The following KLRG1 variants were observed in gnomAD, a reference collection of about 807,000 sequenced individuals.
KLRG1 encodes the protein killer cell lectin like receptor G1.
A neutral mutation model predicts 21.8 loss-of-function variants in KLRG1; 16 were observed. The ratio of observed to expected loss-of-function variants is 0.73; its 90% confidence interval spans 0.50 to 1.11. KLRG1 has a LOEUF of 1.11. Among genes scored for constraint, KLRG1 ranks in the 50% most tolerant of loss-of-function variants. The pLI is 0.00. For synonymous variants in KLRG1, 69 were observed against 75.9 expected (o/e 0.91, Z 0.47); for missense variants, 173 against 218.3 (o/e 0.79, Z 1.31).
intron 3 of KLRG1, among the ~76,000 whole-genome samples, chr12:8,997,287 G>A (rs936660356): frequency 7.9e-5 from 12 of 152,174 alleles, no homozygotes; most frequent in African/African-American, 2.7e-4. Context: ...TAACATTCCT[G>A]TGGAATCTTA....
the KLRG1 span, chr12:9,181,968 C>T: frequency 1.9e-5 from 30 of 1,611,592 alleles, no homozygotes; most frequent in East Asian, 4.5e-5. Flanking sequence ...TATGTTAAAT[C>T]GCTCACCTTG....
intron 1 of KLRG1, among the ~76,000 whole-genome samples, chr12:8,967,961 A>C (rs1481417440): frequency 6.6e-6 from 1 of 152,038 alleles, no homozygotes; most frequent in African/African-American, 2.4e-5. Context: ...AAAAGAAAGA[A>C]AGAAAAATTA....
chr12:9,006,810 G>T (rs950375080), intron 3 of KLRG1, among the ~76,000 whole-genome samples: 1 of 152,084 alleles, frequency 6.6e-6, no homozygotes, highest in Non-Finnish European at 1.5e-5. Context: ...AGAAGTTGAC[G>T]CTCAGCCAGA....
chr12:9,210,963 C>T, the KLRG1 span, among the ~76,000 whole-genome samples: 1 of 152,158 alleles, frequency 6.6e-6, no homozygotes, highest in Non-Finnish European at 1.5e-5. Context: ...TATCTTTTTA[C>T]ATATACCCTT....
chr12:9,036,752 T>C, the KLRG1 span: 1 of 374,864 alleles, frequency 2.7e-6, no homozygotes, highest in Non-Finnish European at 5.3e-6. Flanking sequence ...GCATAAACCT[T>C]GCTTGTGATG....
the KLRG1 span, chr12:9,156,089 C>T: frequency 4.3e-6 from 1 of 233,580 alleles, no homozygotes; most frequent in Non-Finnish European, 8.8e-6. Context: ...TGTTCTGCAG[C>T]TCCTGTTATA....
At chr12:9,196,353 G>C in the KLRG1 span, 1 of 1,611,414 alleles carries the variant, frequency 6.2e-7, no homozygotes, top group East Asian at 2.2e-5. Context: ...GGGATTCCTT[G>C]TCTAAAGTGT....
chr12:9,202,177 A>C, the KLRG1 span: 6 of 719,166 alleles, frequency 8.3e-6, 1 homozygote, highest in South Asian at 9.4e-5. Flanking sequence ...TTTGTATAAG[A>C]CTGCAAATCT....
At position 8,995,261 on chromosome 12, in the gene KLRG1, C is replaced by T; in HGVS notation, c.330C>T (p.Leu110=). ...TCTGCCTAGCCAGAGACTCACACCT[C>T]CTTGTGATAACGGACAATCAGGAAA... The part of the protein sequence containing the change: ...LEFCLARDSH[L]LVITDNQEMS... Residue 110 remains leucine (L), a synonymous_variant, in exon 3 of 5, where the codon CTC becomes CTT. Transcript: ENST00000356986. 6.2e-7 allele frequency: 1 copy of T among 1,611,484 alleles called. No homozygotes were observed. Among genetic ancestry groups the T allele is most frequent in the East Asian group, 2.2e-5 (1 of 44,824 alleles).
At chr12:9,086,983 GT>G in the KLRG1 span, among the ~76,000 whole-genome samples, 1 of 152,100 alleles carries the variant, frequency 6.6e-6, no homozygotes, top group East Asian at 1.9e-4. Context: ...AGTATTTTCT[GT>G]TCACTAACAA....
the KLRG1 span, among the ~76,000 whole-genome samples, chr12:9,108,369 G>A: frequency 6.6e-6 from 1 of 152,048 alleles, no homozygotes; most frequent in Non-Finnish European, 1.5e-5. Context: ...CTCGTGATCT[G>A]CCCACCTCAG....
At chr12:9,129,665 G>A in the KLRG1 span, among the ~76,000 whole-genome samples, 1 of 151,878 alleles carries the variant, frequency 6.6e-6, no homozygotes, top group Non-Finnish European at 1.5e-5. Context: ...TCCGCCTCCC[G>A]GGTTCAGGAG....
chr12:9,051,395 G>C, the KLRG1 span, among the ~76,000 whole-genome samples: 1 of 152,062 alleles, frequency 6.6e-6, no homozygotes, highest in Non-Finnish European at 1.5e-5. Context: ...TGACACAATG[G>C]GAAGACCAGC....
At chr12:8,963,180 T>C (rs1225824558) in intron 1 of KLRG1, among the ~76,000 whole-genome samples, 2 of 152,184 alleles carry the variant, frequency 1.3e-5, no homozygotes, top group East Asian at 3.8e-4. Context: ...CATTCAAAAA[T>C]ACCTTTCAGA....
the KLRG1 span, chr12:9,157,689 C>T: frequency 7.6e-7 from 1 of 1,315,592 alleles, no homozygotes; most frequent in Non-Finnish European, 1.1e-6. Flanking sequence ...ACTTGAGACT[C>T]AACCCTTAGC....
the KLRG1 span, chr12:9,093,617 A>C: frequency 8.2e-7 from 1 of 1,218,214 alleles, no homozygotes; most frequent in Non-Finnish European, 1.1e-6. Context: ...CAATAAACAT[A>C]CAGATAAAGC....
At chr12:9,099,471 G>A in the KLRG1 span, 69 of 1,609,338 alleles carry the variant, frequency 4.3e-5, no homozygotes, top group South Asian at 2.7e-4. Flanking sequence ...GCAACCGAGC[G>A]ACAGGAGCAA....
chr12:8,962,817 A>C (rs1946403202), intron 1 of KLRG1, among the ~76,000 whole-genome samples: 1 of 152,150 alleles, frequency 6.6e-6, no homozygotes, highest in Non-Finnish European at 1.5e-5. Flanking sequence ...TGAAAAGATC[A>C]GAGCTTCAGT....
chr12:9,200,971 G>C, the KLRG1 span: 13 of 1,614,058 alleles, frequency 8.1e-6, no homozygotes, highest in Admixed American at 2.2e-4. Context: ...AGCCCTGAAT[G>C]GGCTCTGATG....
Sources: allele counts gnomAD v4.1 joint callset (sites outside exome capture counted in the v4.1 genomes callset), GRCh38; gene constraint gnomAD v4.1.1; transcripts MANE v1.5; gene names NCBI Gene and HGNC (gene_info 2026-07-23, HGNC 2026-07-21).